The following SIDT1 variants were observed in gnomAD, a reference collection of about 807,000 sequenced individuals.
SIDT1 encodes SID1 transmembrane family member 1, also known as SID1 transmembrane family, member 1.
A neutral mutation model predicts 107.5 loss-of-function variants in SIDT1; 101 were observed. The observed-to-expected ratio is 0.94, with a 90% CI of 0.80 to 1.11. The LOEUF is 1.11. SIDT1 is among the 50% of genes least tolerant of loss of function. The probability of loss-of-function intolerance (pLI) is 0.00; values close to 1 mark genes in which losing one functional copy is unlikely to be tolerated. For synonymous variants in SIDT1, 395 were observed against 398.2 expected, an observed-to-expected ratio of 0.99 and a Z score of 0.10; for missense variants, 1,076 against 1,058.2, an observed-to-expected ratio of 1.02 and a Z score of -0.23.
At position 113,561,904 on chromosome 3, in the gene SIDT1, G is replaced by A. The variant is rs1390199496; in HGVS notation, c.223-4516G>A. Among the ~76,000 whole-genome samples the A allele has an allele frequency of 5.3e-5, 8 of 152,170 alleles. 1 individual carries two copies. The highest frequency in any genetic ancestry group is 3.9e-4 in the Admixed American group (6 of 15,270). On this transcript the variant is annotated intron_variant, in intron 1 of 24. Coordinates refer to ENST00000264852, the MANE Select transcript of SIDT1 (RefSeq NM_017699.3). ...AGGTTGCATCTTAGGTGAAAAAAGG[G>A]AGGCAGACAAACTCCTTAGGTTTTA...
At chr3:113,574,115 T>A (rs1942705939) in intron 3 of SIDT1, among the ~76,000 whole-genome samples, 1 of 152,158 alleles carries the variant, frequency 6.6e-6, no homozygotes. Flanking sequence ...TTGAAAATGG[T>A]TGAGACTAGA....
chr3:113,582,410 AG>A (rs1277387691), intron 6 of SIDT1, among the ~76,000 whole-genome samples: 2 of 152,188 alleles, frequency 1.3e-5, no homozygotes, highest in African/African-American at 2.4e-5. Flanking sequence ...ATTTTCTGTC[AG>A]GCTTTAATTT....
At chr3:113,536,047 G>A (rs1377976768) in intron 1 of SIDT1, among the ~76,000 whole-genome samples, 1 of 152,208 alleles carries the variant, frequency 6.6e-6, no homozygotes, top group Non-Finnish European at 1.5e-5. Flanking sequence ...CACAGCACAA[G>A]ATAGGTGATA....
At chr3:113,608,386 A>G in intron 16 of SIDT1, 33 bp from the exon 17 acceptor site, 1 of 1,555,548 alleles carries the variant, frequency 6.4e-7, no homozygotes, top group Non-Finnish European at 8.9e-7. Flanking sequence ...GGCACTATTT[A>G]GTATCTATTG....
chr3:113,563,684 G>C (rs1375184193), intron 1 of SIDT1, among the ~76,000 whole-genome samples: 3 of 152,152 alleles, frequency 2.0e-5, no homozygotes, highest in Non-Finnish European at 4.4e-5. Flanking sequence ...CATTAAAAGA[G>C]ACTCAAAAGA....
chr3:113,607,928 G>A (rs552040495), intron 15 of SIDT1, among the ~76,000 whole-genome samples, 166 bp from the exon 16 acceptor site: 1 of 152,326 alleles, frequency 6.6e-6, no homozygotes, highest in African/African-American at 2.4e-5. Context: ...TAAAATGAAG[G>A]AGTTAGGTTA....
At chr3:113,539,081 C>A (rs756029907) in intron 1 of SIDT1, among the ~76,000 whole-genome samples, 13 of 151,964 alleles carry the variant, frequency 8.6e-5, no homozygotes, top group East Asian at 1.9e-4. Context: ...TATTTGGTTA[C>A]CTTAAGCTAT....
intron 3 of SIDT1, among the ~76,000 whole-genome samples, chr3:113,576,241 C>T (rs1942887103): frequency 6.6e-6 from 1 of 152,132 alleles, no homozygotes; most frequent in Non-Finnish European, 1.5e-5. Context: ...ATGTAATTCA[C>T]AGTAAATTAC....
intron 9 of SIDT1, among the ~76,000 whole-genome samples, chr3:113,586,176 T>C (rs887226097): frequency 3.3e-5 from 5 of 152,184 alleles, no homozygotes; most frequent in Admixed American, 3.3e-4. Flanking sequence ...AATTTTTGAG[T>C]TCAGATATTG....
chr3:113,558,686 A>G (rs564504905), intron 1 of SIDT1, among the ~76,000 whole-genome samples: 24 of 152,282 alleles, frequency 1.6e-4, no homozygotes, highest in African/African-American at 5.8e-4. Context: ...GGACCAGAAG[A>G]AGTGAAGCTA....
chr3:113,584,823 C>T, intron 8 of SIDT1, 54 bp downstream of exon 8: 3 of 1,240,664 alleles, frequency 2.4e-6, no homozygotes, highest in Non-Finnish European at 1.1e-6. Context: ...GAAAATCAGT[C>T]ATATAATTTG....
At chr3:113,585,703 G>C (rs1218224167) in intron 9 of SIDT1, among the ~76,000 whole-genome samples, 1 of 152,126 alleles carries the variant, frequency 6.6e-6, no homozygotes, top group Admixed American at 6.6e-5. Flanking sequence ...AAATCTTGAG[G>C]TGCAACAAAG....
intron 21 of SIDT1, 95 bp from the exon 22 acceptor site, chr3:113,623,332 C>G (rs1576993445): frequency 1.5e-5 from 10 of 650,620 alleles, no homozygotes; most frequent in Non-Finnish European, 2.7e-5. Flanking sequence ...AAAAAAGAAC[C>G]TGCCCCTTCC....
chr3:113,611,664 C>T (rs1331046040), intron 18 of SIDT1, among the ~76,000 whole-genome samples: 2 of 152,134 alleles, frequency 1.3e-5, no homozygotes, highest in East Asian at 1.9e-4. Flanking sequence ...GTAAAAAGAC[C>T]ACTGGATAAT....
Position 113,608,500 on chromosome 3 carries a change from T to G in SIDT1, c.1684T>G (p.Tyr562Asp). ...LMMEGVLSAC[Y>D]HVCPNYSNFQ... ...GATGGAAGGGGTGCTCAGTGCTTGC[T>G]ACCATGTCTGCCCTAATTATTCCAA... The change falls in exon 17 of 25, where the codon TAC becomes GAC. Residue 562 changes from tyrosine to aspartate, a missense_variant. Physicochemically the swap from Tyr to Asp is radical, Grantham distance 160. Transcript: ENST00000264852. 1 of 1,613,706 alleles carries G rather than the reference T, an allele frequency of 6.2e-7. No individual in the cohort carries two copies. Among genetic ancestry groups the G allele is most frequent in the South Asian group, 1.1e-5 (1 of 91,072 alleles).
intron 17 of SIDT1, 69 bp downstream of exon 17, chr3:113,608,605 T>A: frequency 8.8e-7 from 1 of 1,130,718 alleles, no homozygotes; most frequent in Non-Finnish European, 1.3e-6. Context: ...TCCCCAAAAA[T>A]GCCAAAGTCA....
chr3:113,605,461 T>C (rs1314752192), intron 14 of SIDT1, among the ~76,000 whole-genome samples: 2 of 152,164 alleles, frequency 1.3e-5, no homozygotes, highest in Non-Finnish European at 2.9e-5. Flanking sequence ...TCAATCTAGT[T>C]CCCAATTGTT....
At chr3:113,610,912 T>G (rs1428347400) in intron 17 of SIDT1, 96 bp from the exon 18 acceptor site, 1 of 1,420,166 alleles carries the variant, frequency 7.0e-7, no homozygotes, top group African/African-American at 1.4e-5. Context: ...TGGATTGAAG[T>G]GAGGGGTACT....
rs144772274 is a variant in SIDT1, at chr3:113,571,667, T to G, written c.515+3957T>G. ...TCTTAAGAAGGGGCATTAGGAAATTTAAACGTCTGTAATCCCAGCACTTTG... is the reference window on the plus strand; with the variant it reads ...TCTTAAGAAGGGGCATTAGGAAATTGAAACGTCTGTAATCCCAGCACTTTG... On this transcript the variant is annotated intron_variant, in intron 3 of 24. Coordinates refer to ENST00000264852, the MANE Select transcript of SIDT1 (RefSeq NM_017699.3). Among the ~76,000 whole-genome samples, 374 of 152,250 alleles carry G rather than the reference T, an allele frequency of 2.5e-3. 1 individual carries two copies. Among genetic ancestry groups the G allele is most frequent in the African/African-American group, 8.4e-3 (347 of 41,554 alleles).
Sources: gnomAD v4.1 joint callset for allele counts (sites outside exome capture counted in the v4.1 genomes callset) on GRCh38, gnomAD v4.1.1 for gene constraint, MANE v1.5 for transcripts, NCBI Gene and HGNC (gene_info 2026-07-23, HGNC 2026-07-21) for gene names.